Variants in ENAM observed in about 807,000 individuals in gnomAD.
ENAM encodes the protein amelogenesis imperfecta 2, hypocalcification (autosomal dominant).
A neutral mutation model predicts 33.6 loss-of-function variants in ENAM; 21 were observed. The ratio of observed to expected loss-of-function variants is 0.63; its 90% CI spans 0.44 to 0.90. The LOEUF is 0.90. Ranked by LOEUF, ENAM falls within the 40% of genes least tolerant of loss-of-function variation. The pLI, the probability that ENAM is intolerant of heterozygous loss-of-function variation, is 0.00. For synonymous variants in ENAM, 473 were observed against 468.4 expected (o/e 1.01, Z -0.13); for missense variants, 1,388 against 1,366.9 (o/e 1.02, Z -0.24).
chr4:70,644,804 A>C lies in ENAM; in HGVS notation c.3378A>C (p.Arg1126Ser), dbSNP rs1467132891. Residue 1126 changes from arginine to serine, a missense_variant, in exon 9 of 9, where the codon AGA (arginine) becomes AGC (serine). Coordinates refer to ENST00000396073, the MANE Select transcript of ENAM (RefSeq NM_031889.3). ...DEHSPFEFLQ[R>S]GTNVQDQVQD... Reference sequence around the variant, plus strand: ...ACAGTCCATTTGAATTCCTTCAAAGAGGGACCAATGTACAGGACCAGGTAC... The same window carrying C: ...ACAGTCCATTTGAATTCCTTCAAAGCGGGACCAATGTACAGGACCAGGTAC... 6.2e-7 allele frequency: 1 copy of C among 1,614,120 alleles called. No homozygotes were observed. Among genetic ancestry groups the C allele is most frequent in the Non-Finnish European group, 8.5e-7 (1 of 1,179,956 alleles).
At position 70,646,539 on chromosome 4, in the gene ENAM, C is replaced by G. The variant is rs1368717555; in HGVS notation, c.*1684C>G. 1 of 152,158 alleles carries G rather than the reference C, an allele frequency of 6.6e-6. No homozygotes were observed. The highest frequency in any genetic ancestry group is 2.4e-5 in the African/African-American group (1 of 41,438). 9.4% of individuals were successfully genotyped at this position (152,158 alleles called of 1,614,324 possible). On this transcript the variant is annotated 3_prime_UTR_variant, in exon 9 of 9. Coordinates refer to ENST00000396073, the MANE Select transcript of ENAM (RefSeq NM_031889.3). ...CATTTTTTAATGACTTTCAACACTC[C>G]CATGAAAACACCGTAGTCTGCTTTT...
At position 70,631,688 on chromosome 4, in the gene ENAM, A is replaced by G. The variant is rs1455503373; in HGVS notation, c.73A>G (p.Lys25Glu). ...LDNLVPKGKM[K>E]ILLVFLGLLG... ...ATTCTAGGTACCAAAAGGCAAAATG[A>G]AGATTCTCCTGGTCTTTCTAGGGCT... Residue 25 changes from lysine to glutamate, a missense_variant, in exon 3 of 9, where the codon AAG becomes GAG. Physicochemically the swap from Lys to Glu is moderately conservative, Grantham distance 56. Transcript: ENST00000396073. The G allele has an allele frequency of 4.3e-6, 7 of 1,613,362 alleles. No individual in the cohort carries two copies. The highest frequency in any genetic ancestry group is 5.9e-6 in the Non-Finnish European group (7 of 1,179,412).
rs569025319 is a variant in ENAM at position 70,641,120 on chromosome 4, G to A, written c.589-895G>A. On this transcript the variant is annotated intron_variant, in intron 8 of 8. Transcript: ENST00000396073. Reference sequence around the variant, plus strand: ...AGAGAGAGCAGAAACTTAAGAAACTGTACAGATAGTGGTGAATGTTGCTTA... The same window carrying A: ...AGAGAGAGCAGAAACTTAAGAAACTATACAGATAGTGGTGAATGTTGCTTA... Among the ~76,000 whole-genome samples the A allele has an allele frequency of 2.0e-5, 3 of 152,298 alleles. No individual in the cohort carries two copies. In the South Asian group the frequency reaches 6.2e-4, roughly 32 times the overall value.
intron 5 of ENAM, among the ~76,000 whole-genome samples, chr4:70,633,080 C>T (rs1343254866): frequency 4.6e-5 from 7 of 152,004 alleles, no homozygotes; most frequent in Non-Finnish European, 8.8e-5. Context: ...GATAACACTA[C>T]AGTTATGAAG....
At chr4:70,629,661 CAA>C (rs1246860166) in intron 2 of ENAM, 107 bp downstream of exon 2, 1 of 856,012 alleles carries the variant, frequency 1.2e-6, no homozygotes, top group Non-Finnish European at 2.0e-6. Flanking sequence ...TCAGAAGACT[CAA>C]AGAGCATCTG....
At position 70,644,584 on chromosome 4, in the gene ENAM, T is replaced by C. The variant is rs1738706101; in HGVS notation, c.3158T>C (p.Leu1053Pro). 1.2e-6 allele frequency: 2 copies of C among 1,613,056 alleles called. No individual in the cohort carries two copies. Among genetic ancestry groups the C allele is most frequent in the African/African-American group, 1.3e-5 (1 of 74,882 alleles). ...CAACAGCAAAGACCATCTAACATTC[T>C]GCATTTGCCATGCTTTGGCTCCAAA... ...ERQQQRPSNI[L>P]HLPCFGSKLA... The change falls in exon 9 of 9, where the codon CTG becomes CCG. Residue 1053 changes from leucine to proline, a missense_variant. Coordinates refer to ENST00000396073, the MANE Select transcript of ENAM (RefSeq NM_031889.3).
At chr4:70,634,012 A>AC (rs1738387953) in intron 5 of ENAM, among the ~76,000 whole-genome samples, 1 of 152,138 alleles carries the variant, frequency 6.6e-6, no homozygotes. Context: ...TATACTTCTG[A>AC]CCTGAGTTAG....
At position 70,643,418 on chromosome 4, in the gene ENAM, C is replaced by T; in HGVS notation, c.1992C>T (p.Val664=). 6.2e-7 allele frequency: 1 copy of T among 1,614,084 alleles called. No individual in the cohort carries two copies. The highest frequency in any genetic ancestry group is 8.5e-7 in the Non-Finnish European group (1 of 1,179,972). Residue 664 remains valine (V), a synonymous_variant, in exon 9 of 9, where the codon GTC becomes GTT. Coordinates refer to ENST00000396073, the MANE Select transcript of ENAM (RefSeq NM_031889.3). ...CAGTTGATCCAACTGGAGATGAAGT[C>T]TTTCCTGGACAAAATAGATGGGGTG... is the stretch of plus-strand genomic sequence containing the variant. The part of the protein sequence containing the change: ...EDPVDPTGDE[V]FPGQNRWGEE...
chr4:70,631,549 G>A (rs1353292389), intron 2 of ENAM, 121 bp from the exon 3 acceptor site: 6 of 771,440 alleles, frequency 7.8e-6, no homozygotes, highest in African/African-American at 1.7e-5. Flanking sequence ...CTGGCAGCAG[G>A]GGCCCCATCC....
intron 3 of ENAM, 47 bp from the exon 4 acceptor site, chr4:70,631,802 T>C: frequency 1.2e-6 from 2 of 1,610,704 alleles, no homozygotes; most frequent in Non-Finnish European, 1.7e-6. Context: ...GTTGAGCTTA[T>C]TTCAACTGAT....
In ENAM at chr4:70,640,861, A is replaced by T. The variant is rs966332245; in HGVS notation, c.589-1154A>T. Among the ~76,000 whole-genome samples, 3 of 152,256 alleles carry T rather than the reference A, an allele frequency of 2.0e-5. No individual in the cohort carries two copies. The East Asian group carries it at 5.8e-4, about 29-fold the overall frequency. ...ATTTAGAGTTTATTTTGTAAAGGAGAACTTTAAATACAAATTTAAAGAGGA... is the reference window on the plus strand; with the variant it reads ...ATTTAGAGTTTATTTTGTAAAGGAGTACTTTAAATACAAATTTAAAGAGGA... On this transcript the variant is annotated intron_variant, in intron 8 of 8. Transcript: ENST00000396073.
At chr4:70,633,465 G>A (rs1218984680) in intron 5 of ENAM, among the ~76,000 whole-genome samples, 1 of 151,914 alleles carries the variant, frequency 6.6e-6, no homozygotes, top group Non-Finnish European at 1.5e-5. Flanking sequence ...CAACTTAGTT[G>A]TCATGAAATC....
intron 6 of ENAM, among the ~76,000 whole-genome samples, chr4:70,635,595 G>A (rs1374230750): frequency 6.6e-6 from 1 of 151,094 alleles, no homozygotes; most frequent in Non-Finnish European, 1.5e-5. Context: ...TATCTTCTAT[G>A]GTTATATGAG....
Position 70,643,277 on chromosome 4 carries a change from C to G in ENAM, c.1851C>G (p.Gly617=), listed in dbSNP as rs1183032631. ...GGGAAAACTCACCATACCTTAGAGGCAATACATGGGATGAGAGAGATGATT... is the reference window on the plus strand; with the variant it reads ...GGGAAAACTCACCATACCTTAGAGGGAATACATGGGATGAGAGAGATGATT... ...DPRENSPYLR[G]NTWDERDDSP... The change falls in exon 9 of 9, where the codon GGC becomes GGG. Residue 617 remains glycine, a synonymous_variant. Transcript: ENST00000396073. 6.2e-7 allele frequency: 1 copy of G among 1,614,008 alleles called. No individual in the cohort carries two copies. The highest frequency in any genetic ancestry group is 8.5e-7 in the Non-Finnish European group (1 of 1,179,950).
At position 70,644,940 on chromosome 4, in the gene ENAM, T is replaced by A; in HGVS notation, c.*85T>A. 9.1e-7 allele frequency: 1 copy of A among 1,104,812 alleles called. No individual in the cohort carries two copies. The highest frequency in any genetic ancestry group is 1.4e-6 in the Non-Finnish European group (1 of 727,918). The allele number at this position is 1,104,812 out of a possible 1,614,324, so 68.4% of individuals were successfully genotyped here. A position where few individuals can be genotyped will look rare whatever the true frequency, so the allele number is the denominator to read the frequency against. ...TTCCCAAAATTTTTTCCCCAAGACTTAATTAAGTGTCTGACTGTCTTGGTG... is the reference window on the plus strand; with the variant it reads ...TTCCCAAAATTTTTTCCCCAAGACTAAATTAAGTGTCTGACTGTCTTGGTG... On this transcript the variant is annotated 3_prime_UTR_variant, in exon 9 of 9. Transcript: ENST00000396073.
In ENAM at chr4:70,634,294, T is replaced by C; in HGVS notation, c.211-14T>C. On this transcript the variant is annotated splice_polypyrimidine_tract_variant and intron_variant, in intron 5 of 8. Coordinates refer to ENST00000396073, the MANE Select transcript of ENAM (RefSeq NM_031889.3). ...GCTCTATTATGATTTCACTATTATT[T>C]GCTACCCTTTCAGATGGCACACCTG... 6.2e-7 allele frequency: 1 copy of C among 1,613,584 alleles called. No homozygotes were observed. The highest frequency in any genetic ancestry group is 8.5e-7 in the Non-Finnish European group (1 of 1,179,628).
chr4:70,637,783 T>C lies in ENAM; in HGVS notation c.535-7T>C. The C allele has an allele frequency of 2.5e-6, 4 of 1,612,854 alleles. No homozygotes were observed. The highest frequency in any genetic ancestry group is 3.4e-6 in the Non-Finnish European group (4 of 1,178,892). Reference sequence around the variant, plus strand: ...CTCCTGTGTTCACTGTGTTTTTCACTTCTCAGAGGTTACCACCACCAGGTT... The same window carrying C: ...CTCCTGTGTTCACTGTGTTTTTCACCTCTCAGAGGTTACCACCACCAGGTT... On this transcript the variant is annotated splice_region_variant and splice_polypyrimidine_tract_variant and intron_variant, in intron 7 of 8. Transcript: ENST00000396073.
chr4:70,629,700 C>T (rs1738263218), intron 2 of ENAM, 146 bp downstream of exon 2: 1 of 757,958 alleles, frequency 1.3e-6, no homozygotes, highest in East Asian at 2.5e-5. Context: ...GGAAGAAGAA[C>T]TTACACAGTC....
intron 4 of ENAM, among the ~76,000 whole-genome samples, chr4:70,632,374 A>G (rs1258721488): frequency 6.6e-6 from 1 of 152,152 alleles, no homozygotes; most frequent in Non-Finnish European, 1.5e-5. Flanking sequence ...ACAGTAGATC[A>G]GACTTTTATT....
Sources: allele counts gnomAD v4.1 joint callset (sites outside exome capture counted in the v4.1 genomes callset), GRCh38; gene constraint gnomAD v4.1.1; transcripts MANE v1.5; gene names NCBI Gene and HGNC (gene_info 2026-07-23, HGNC 2026-07-21).